MROH7: variants seen among roughly 807,000 people sequenced by gnomAD.
MROH7 encodes maestro heat-like repeat-containing protein family member 7.
MROH7 carries 113 observed loss-of-function variants against 129.2 expected under a neutral mutation model. The observed-to-expected ratio is 0.87, with a 90% CI of 0.75 to 1.02. The LOEUF (loss-of-function observed/expected upper bound fraction) is 1.02. Among genes scored for constraint, MROH7 ranks in the 50% least tolerant of loss-of-function variants. The pLI, the probability that MROH7 is intolerant of heterozygous loss-of-function variation, is 0.00. For missense variants in MROH7, 1,601 were observed against 1,671.3 expected, an observed-to-expected ratio of 0.96 and a Z score of 0.73; for synonymous variants, 655 against 667.9, an observed-to-expected ratio of 0.98 and a Z score of 0.30.
intron 22 of MROH7, 49 bp downstream of exon 22, chr1:54,706,586 C>G (rs773277063): frequency 7.0e-7 from 1 of 1,427,102 alleles, no homozygotes; most frequent in South Asian, 1.1e-5. Context: ...TCTGCCTGCT[C>G]TCCAGTTTGT....
At chr1:54,679,575 G>A (rs1645036354) in intron 12 of MROH7, 136 bp downstream of exon 12, 2 of 1,011,452 alleles carry the variant, frequency 2.0e-6, no homozygotes, top group Admixed American at 2.8e-5. Context: ...GGGCAGGGAA[G>A]GGGTGCTGGT....
At chr1:54,697,932 T>G in intron 17 of MROH7, 3 of 418,376 alleles carry the variant, frequency 7.2e-6, no homozygotes, top group Admixed American at 3.9e-5. Context: ...CTCCCCACCA[T>G]TCCCTGGACT....
intron 3 of MROH7, among the ~76,000 whole-genome samples, chr1:54,658,512 T>C (rs1005538312): frequency 2.0e-5 from 3 of 152,224 alleles, no homozygotes; most frequent in Non-Finnish European, 2.9e-5. Flanking sequence ...TTTAAAACAA[T>C]GTATTTTCAA....
At chr1:54,681,781 T>C (rs1005387975) in intron 13 of MROH7, among the ~76,000 whole-genome samples, 3 of 152,160 alleles carry the variant, frequency 2.0e-5, no homozygotes, top group African/African-American at 7.2e-5. Context: ...AAGTGCAGGA[T>C]CCTAGCCCCA....
chr1:54,657,162 C>G (rs898951422), intron 3 of MROH7, among the ~76,000 whole-genome samples: 1 of 151,580 alleles, frequency 6.6e-6, no homozygotes, highest in Non-Finnish European at 1.5e-5. Context: ...ATCCTCCTGC[C>G]TCAGCCTCCC....
chr1:54,702,397 A>G (rs893248275), intron 20 of MROH7, 152 bp downstream of exon 20: 2 of 821,130 alleles, frequency 2.4e-6, no homozygotes, highest in African/African-American at 3.6e-5. Flanking sequence ...CCACATCAGG[A>G]TTCTTCCTCA....
In MROH7 at chr1:54,686,245, C is replaced by T. The variant is rs758592295; in HGVS notation, c.2521-13C>T. 1.9e-6 allele frequency: 3 copies of T among 1,606,318 alleles called. No individual in the cohort carries two copies. The African/African-American group carries it at 4.0e-5, about 21-fold the overall frequency. On this transcript the variant is annotated splice_polypyrimidine_tract_variant and intron_variant, in intron 14 of 23. Coordinates refer to ENST00000421030, the MANE Select transcript of MROH7 (RefSeq NM_001039464.4). ...GGCCACGACATCCCAGCAGCCTCCCCTCTGCCCCATAGGCAGCCAGCGGCC... is the reference window on the plus strand; with the variant it reads ...GGCCACGACATCCCAGCAGCCTCCCTTCTGCCCCATAGGCAGCCAGCGGCC...
At chr1:54,673,989 C>G in intron 9 of MROH7, 27 bp from the exon 10 acceptor site, 2 of 1,612,212 alleles carry the variant, frequency 1.2e-6, no homozygotes, top group Non-Finnish European at 1.7e-6. Context: ...CTATAACACT[C>G]AATCCCTAAG....
rs535453932 is a variant in MROH7 at position 54,676,717 on chromosome 1, CT to C, written c.1937-2013del. Among the ~76,000 whole-genome samples the C allele has an allele frequency of 1.1e-3, 150 of 134,318 alleles. 1 individual carries two copies. In the South Asian group the frequency reaches 0.02, roughly 18 times the overall value. 88.1% of individuals were successfully genotyped at this position (134,318 alleles called of 152,430 possible). A position where few individuals can be genotyped will look rare whatever the true frequency, so the allele number is the denominator to read the frequency against. On this transcript the variant is annotated intron_variant, in intron 10 of 23. Transcript: ENST00000421030. ...GCCCAGCTTATTTAATTTTTCTTTT[CT>C]TTTTTTTTTTTCTGGAGTCTTGCTT... is the stretch of plus-strand genomic sequence containing the variant.
At chr1:54,663,194 T>C (rs952635702) in intron 3 of MROH7, among the ~76,000 whole-genome samples, 1 of 152,000 alleles carries the variant, frequency 6.6e-6, no homozygotes, top group African/African-American at 2.4e-5. Flanking sequence ...TCCATTTATT[T>C]ATTTATTTAT....
At chr1:54,697,796 G>A in intron 17 of MROH7, 1 of 625,986 alleles carries the variant, frequency 1.6e-6, no homozygotes, top group South Asian at 1.9e-5. Flanking sequence ...CTCTTGGAGA[G>A]GCACTTCTAA....
At chr1:54,645,181 TGTTG>T (rs987074185) in intron 1 of MROH7, among the ~76,000 whole-genome samples, 2 of 152,196 alleles carry the variant, frequency 1.3e-5, no homozygotes, top group African/African-American at 4.8e-5. Flanking sequence ...TCAGTGTTAA[TGTTG>T]GTTGGTTGTC....
intron 18 of MROH7, 51 bp from the exon 19 acceptor site, chr1:54,701,092 T>C: frequency 3.1e-6 from 5 of 1,592,546 alleles, no homozygotes; most frequent in Non-Finnish European, 4.3e-6. Flanking sequence ...GGTCTCTTCC[T>C]ACTTGCTAGC....
intron 15 of MROH7, among the ~76,000 whole-genome samples, chr1:54,690,909 A>G (rs1228532061): frequency 6.6e-6 from 1 of 152,168 alleles, no homozygotes; most frequent in Admixed American, 6.5e-5. Context: ...GTCCAAAATG[A>G]TGACCCTGGA....
chr1:54,648,577 G>T (rs1332509932), intron 1 of MROH7, among the ~76,000 whole-genome samples: 1 of 151,932 alleles, frequency 6.6e-6, no homozygotes, highest in Non-Finnish European at 1.5e-5. Context: ...TGTTGGCCAG[G>T]CTGGTCTCGA....
In MROH7 at chr1:54,673,130, C is replaced by T; in HGVS notation, c.1639C>T (p.Leu547Phe). The change falls in exon 8 of 24, where the codon CTC becomes TTC. Residue 547 changes from leucine (L) to phenylalanine (F), a missense_variant. Leu to Phe is a conservative substitution (Grantham distance 22). Transcript: ENST00000421030. ...HQTLEALQTL[L>F]KALFIEDPTP... Reference sequence around the variant, plus strand: ...GACCCTGGAGGCCCTGCAGACACTGCTCAAAGCCCTCTTTATCGAGGACCC... The same window carrying T: ...GACCCTGGAGGCCCTGCAGACACTGTTCAAAGCCCTCTTTATCGAGGACCC... 1 of 1,613,956 alleles carries T rather than the reference C, an allele frequency of 6.2e-7. No individual in the cohort carries two copies. Among genetic ancestry groups the T allele is most frequent in the Non-Finnish European group, 8.5e-7 (1 of 1,179,936 alleles).
intron 5 of MROH7, 52 bp downstream of exon 5, chr1:54,668,989 T>C (rs776158376): frequency 7.3e-7 from 1 of 1,370,290 alleles, no homozygotes; most frequent in South Asian, 1.2e-5. Context: ...GGGGCAGAAT[T>C]CCTGAGTCCA....
intron 10 of MROH7, among the ~76,000 whole-genome samples, chr1:54,676,761 T>G (rs1360639611): frequency 1.3e-5 from 2 of 150,610 alleles, no homozygotes; most frequent in Admixed American, 6.7e-5. Context: ...CAGGCTGGAG[T>G]GCAGTGGTGC....
At chr1:54,702,368 G>A (rs1645454544) in intron 20 of MROH7, 123 bp downstream of exon 20, 2 of 947,702 alleles carry the variant, frequency 2.1e-6, no homozygotes, top group African/African-American at 3.4e-5. Context: ...GTCCAGCCAT[G>A]TCTGTTTTCT....
Sources: gnomAD v4.1 joint callset for allele counts (sites outside exome capture counted in the v4.1 genomes callset) on GRCh38, gnomAD v4.1.1 for gene constraint, MANE v1.5 for transcripts, NCBI Gene and HGNC (gene_info 2026-07-23, HGNC 2026-07-21) for gene names.